Variants in ANKLE2 observed in about 807,000 individuals in gnomAD.
ANKLE2 encodes the protein ankyrin repeat and LEM domain containing 2.
In ANKLE2, 55 loss-of-function variants were observed where a neutral mutation model predicts 84.2. The observed-to-expected ratio is 0.65, with a 90% CI of 0.53 to 0.82. The LOEUF is 0.82. ANKLE2 is among the 40% of genes least tolerant of loss of function. The pLI is 0.00. For synonymous variants in ANKLE2, 551 were observed against 486.1 expected (o/e 1.13, Z -1.76); for missense variants, 1,238 against 1,201.9 (o/e 1.03, Z -0.44).
chr12:132,735,558 C>A (rs775272174), intron 8 of ANKLE2, 46 bp from the exon 9 acceptor site: 6 of 1,524,986 alleles, frequency 3.9e-6, no homozygotes, highest in Non-Finnish European at 5.4e-6. Flanking sequence ...GCACTGCGCC[C>A]CTCAGCTGCG....
chr12:132,735,336 G>C, intron 9 of ANKLE2, 70 bp downstream of exon 9: 2 of 1,373,552 alleles, frequency 1.5e-6, no homozygotes, highest in Non-Finnish European at 1.0e-6. Context: ...GCTGTGATTT[G>C]ACCTTCTGTC....
At chr12:132,747,327 T>A (rs1428299662) in intron 5 of ANKLE2, among the ~76,000 whole-genome samples, 2 of 144,074 alleles carry the variant, frequency 1.4e-5, no homozygotes, top group African/African-American at 5.3e-5. Flanking sequence ...CCTCTCTCTC[T>A]CTCCACAGCC....
At chr12:132,731,049 T>C (rs1010495600) in intron 10 of ANKLE2, 1 of 152,174 alleles carries the variant, frequency 6.6e-6, no homozygotes, top group African/African-American at 2.4e-5. Flanking sequence ...GGTGTGAAGA[T>C]AACACAGAAG....
At chr12:132,746,577 G>C (rs2044243508) in intron 5 of ANKLE2, among the ~76,000 whole-genome samples, 1 of 151,904 alleles carries the variant, frequency 6.6e-6, no homozygotes, top group South Asian at 2.1e-4. Context: ...CTGCCCAATT[G>C]TTGTACTAAT....
At position 132,727,110 on chromosome 12, in the gene ANKLE2, T is replaced by C; in HGVS notation, c.*132A>G. The C allele has an allele frequency of 6.0e-6, 6 of 1,004,838 alleles. No homozygotes were observed. The highest frequency in any genetic ancestry group is 8.3e-6 in the Non-Finnish European group (6 of 723,134). The allele number at this position is 1,004,838 out of a possible 1,614,324, so 62.2% of individuals were successfully genotyped here. A position where few individuals can be genotyped will look rare whatever the true frequency, so the allele number is the denominator to read the frequency against. On this transcript the variant is annotated 3_prime_UTR_variant, in exon 13 of 13. Transcript: ENST00000357997. Reference sequence around the variant, plus strand: ...TGTTATATAGAACATTTAAATCTTCTAAAATTCTCACACCCTCAAAGTGAG... The same window carrying C: ...TGTTATATAGAACATTTAAATCTTCCAAAATTCTCACACCCTCAAAGTGAG...
chr12:132,753,561 C>T (rs1022554459), intron 2 of ANKLE2, among the ~76,000 whole-genome samples: 5 of 151,958 alleles, frequency 3.3e-5, no homozygotes, highest in Admixed American at 6.6e-5. Flanking sequence ...GTCAGGGGTT[C>T]GAGACCAGCT....
At chr12:132,752,282 G>C (rs1006190828) in intron 2 of ANKLE2, among the ~76,000 whole-genome samples, 6 of 152,202 alleles carry the variant, frequency 3.9e-5, no homozygotes, top group African/African-American at 1.4e-4. Flanking sequence ...AGAGGTTGGA[G>C]TGAGCCAAGA....
At chr12:132,747,231 TG>T (rs2044257766) in intron 5 of ANKLE2, among the ~76,000 whole-genome samples, 1 of 152,046 alleles carries the variant, frequency 6.6e-6, no homozygotes, top group African/African-American at 2.4e-5. Flanking sequence ...TCCACAGCCC[TG>T]CGTGTCAGGC....
chr12:132,744,015 G>A (rs184314458), intron 5 of ANKLE2, among the ~76,000 whole-genome samples: 6 of 152,252 alleles, frequency 3.9e-5, no homozygotes, highest in Admixed American at 6.5e-5. Flanking sequence ...ATGCTGCATC[G>A]CGCCCTGGCT....
chr12:132,755,178 C>G (rs751152730), intron 1 of ANKLE2, 45 bp from the exon 2 acceptor site: 1 of 1,508,262 alleles, frequency 6.6e-7, no homozygotes, highest in Non-Finnish European at 8.9e-7. Flanking sequence ...AATACTAACA[C>G]CTGCTGAAGC....
chr12:132,730,076 T>G lies in ANKLE2; in HGVS notation c.2086A>C (p.Ser696Arg), dbSNP rs1275859358. The G allele has an allele frequency of 1.9e-6, 3 of 1,612,562 alleles. No individual in the cohort carries two copies. ...GGATGGCAGAGCCCATTTCTGCTGC[T>G]GTGTGGACCTCCCGGCTCGGCGGCT... Reference protein sequence around the residue: ...IEAAEPGGPHSSRNGLCHPLN... With the variant: ...IEAAEPGGPHRSRNGLCHPLN... Residue 696 changes from serine (S) to arginine (R), a missense_variant, in exon 11 of 13, where the codon AGC becomes CGC. Physicochemically the swap from Ser to Arg is moderately radical, Grantham distance 110 (BLOSUM62 -1). Transcript: ENST00000357997.
At chr12:132,730,310 CAG>C in intron 10 of ANKLE2, 40 bp from the exon 11 acceptor site, 1 of 1,505,120 alleles carries the variant, frequency 6.6e-7, no homozygotes, top group Non-Finnish European at 8.9e-7. Flanking sequence ...ATGGGAACGA[CAG>C]GAAGCCACGG....
At position 132,741,499 on chromosome 12, in the gene ANKLE2, A is replaced by G. The variant is rs762783401; in HGVS notation, c.1354-14T>C. On this transcript the variant is annotated splice_polypyrimidine_tract_variant and intron_variant, in intron 6 of 12. Transcript: ENST00000357997. ...TTCACAAATTACCTATTGGAAAAAA[A>G]AGTGTGTCTAAATCTTATTTGATCG... The G allele has an allele frequency of 6.2e-7, 1 of 1,612,294 alleles. No individual in the cohort carries two copies. The highest frequency in any genetic ancestry group is 8.5e-7 in the Non-Finnish European group (1 of 1,178,468).
intron 12 of ANKLE2, 32 bp from the exon 13 acceptor site, chr12:132,727,475 C>G (rs776067827): frequency 1.9e-6 from 3 of 1,547,398 alleles, no homozygotes; most frequent in Non-Finnish European, 2.6e-6. Flanking sequence ...TGTTAGCAGA[C>G]GGGCACAGGC....
At chr12:132,752,550 T>C (rs577227774) in intron 2 of ANKLE2, among the ~76,000 whole-genome samples, 232 of 152,174 alleles carry the variant, frequency 1.5e-3, no homozygotes, top group Middle Eastern at 3.4e-3. Flanking sequence ...TCTGTATTTT[T>C]AGTAAAGACG....
chr12:132,747,064 T>C (rs1447302944), intron 5 of ANKLE2, among the ~76,000 whole-genome samples: 2 of 152,186 alleles, frequency 1.3e-5, no homozygotes, highest in Non-Finnish European at 2.9e-5. Flanking sequence ...CATCAGTGAC[T>C]CCAACCCGCC....
chr12:132,732,971 A>G (rs12304569), intron 10 of ANKLE2, among the ~76,000 whole-genome samples: 16,629 of 73,792 alleles, frequency 0.23, 1,585 homozygotes, highest in East Asian at 0.59. Context: ...TGTCTGAAAT[A>G]CACTGTGTGA....
At chr12:132,731,111 G>A (rs1374485270) in intron 10 of ANKLE2, 4 of 152,256 alleles carry the variant, frequency 2.6e-5, no homozygotes, top group Non-Finnish European at 5.9e-5. Flanking sequence ...CCCGTTTGGT[G>A]TTCACGATGG....
Position 132,734,594 on chromosome 12 carries a change from A to C in ANKLE2, c.1701-19T>G. On this transcript the variant is annotated intron_variant, in intron 9 of 12. Transcript: ENST00000357997. ...TAGCTCCCTGTAAGAAACAAAACAC[A>C]ATTAACCAGCTGTGAAACCAGAAAA... 1 of 1,587,384 alleles carries C rather than the reference A, an allele frequency of 6.3e-7. No homozygotes were observed. Among genetic ancestry groups the C allele is most frequent in the Non-Finnish European group, 8.6e-7 (1 of 1,168,824 alleles).
Sources: allele counts gnomAD v4.1 joint callset (sites outside exome capture counted in the v4.1 genomes callset), GRCh38; gene constraint gnomAD v4.1.1; transcripts MANE v1.5; gene names NCBI Gene and HGNC (gene_info 2026-07-23, HGNC 2026-07-21).